The following DLG2 variants were observed in gnomAD, a reference collection of about 807,000 sequenced individuals.
DLG2 encodes disks large homolog 2.
A neutral mutation model predicts 132.5 loss-of-function variants in DLG2; 45 were observed. The observed-to-expected ratio is 0.34, with a 90% CI of 0.27 to 0.44. The LOEUF is 0.44. Ranked by LOEUF, DLG2 falls within the 20% of genes least tolerant of loss-of-function variation. DLG2 has a pLI of 1.00. For synonymous variants in DLG2, 424 were observed against 419.6 expected (o/e 1.01, Z -0.13); for missense variants, 1,045 against 1,196.9 (o/e 0.87, Z 1.87).
chr11:85,420,910 T>C (rs2090249339), intron 3 of DLG2, among the ~76,000 whole-genome samples: 2 of 152,246 alleles, frequency 1.3e-5, no homozygotes, highest in African/African-American at 4.8e-5. Context: ...ACCACTTGGC[T>C]TCCTGGCTTC....
At position 83,517,360 on chromosome 11, in the gene DLG2, T is replaced by G. The variant is rs140851643; in HGVS notation, c.2193+15348A>C. Reference sequence around the variant, plus strand: ...CGTCACGTAGTTCTCATGCTGTGGTTTTCAGCTCCGTCAGGTCCTTTATGG... The same window carrying G: ...CGTCACGTAGTTCTCATGCTGTGGTGTTCAGCTCCGTCAGGTCCTTTATGG... On this transcript the variant is annotated intron_variant, in intron 21 of 27. Coordinates refer to ENST00000376104, the MANE Select transcript of DLG2 (RefSeq NM_001142699.3). Among the ~76,000 whole-genome samples the G allele has an allele frequency of 9.9e-3, 1,515 of 152,340 alleles. 19 individuals carry two copies. The highest frequency in any genetic ancestry group is 0.034 in the African/African-American group (1,399 of 41,578).
intron 7 of DLG2, among the ~76,000 whole-genome samples, chr11:84,382,807 T>C (rs185880325): frequency 2.4e-4 from 36 of 151,888 alleles, no homozygotes; most frequent in Non-Finnish European, 4.1e-4. Flanking sequence ...ACTAATGCTA[T>C]ATAATTGATA....
intron 6 of DLG2, among the ~76,000 whole-genome samples, chr11:85,024,020 A>G (rs751484901): frequency 2.2e-4 from 33 of 152,136 alleles, no homozygotes; most frequent in Admixed American, 1.3e-4. Flanking sequence ...AGAATTTGTC[A>G]AATCGTGAGG....
intron 6 of DLG2, among the ~76,000 whole-genome samples, chr11:84,806,568 G>A (rs1235024314): frequency 6.6e-6 from 1 of 152,038 alleles, no homozygotes; most frequent in Non-Finnish European, 1.5e-5. Flanking sequence ...TGTCAACCAA[G>A]AATACTATAC....
intron 11 of DLG2, among the ~76,000 whole-genome samples, chr11:83,982,129 CAAT>C (rs1157117884): frequency 6.6e-6 from 1 of 152,028 alleles, no homozygotes; most frequent in Non-Finnish European, 1.5e-5. Context: ...CAATTGTAAA[CAAT>C]AAATAATACT....
chr11:84,430,312 G>T (rs868650668), intron 7 of DLG2, among the ~76,000 whole-genome samples: 1 of 151,840 alleles, frequency 6.6e-6, no homozygotes, highest in African/African-American at 2.4e-5. Context: ...GGTGGTGGGT[G>T]CCTGTAATCC....
intron 6 of DLG2, among the ~76,000 whole-genome samples, chr11:84,563,328 T>C (rs995208890): frequency 1.3e-5 from 2 of 152,216 alleles, no homozygotes; most frequent in East Asian, 1.9e-4. Context: ...CATAGTACTA[T>C]TGTGATTTAT....
At chr11:84,795,702 G>C (rs1001537616) in intron 6 of DLG2, among the ~76,000 whole-genome samples, 3 of 152,156 alleles carry the variant, frequency 2.0e-5, no homozygotes, top group Admixed American at 6.6e-5. Context: ...AAGAGAGAAG[G>C]AGAGAAGAGC....
chr11:85,519,786 ATC>A (rs1286438711), intron 3 of DLG2, among the ~76,000 whole-genome samples: 1 of 152,052 alleles, frequency 6.6e-6, no homozygotes, highest in Non-Finnish European at 1.5e-5. Flanking sequence ...AGGTAATTTA[ATC>A]ATGGGGTCAG....
At chr11:84,473,207 A>G (rs1202743791) in intron 7 of DLG2, among the ~76,000 whole-genome samples, 1 of 151,982 alleles carries the variant, frequency 6.6e-6, no homozygotes, top group East Asian at 1.9e-4. Flanking sequence ...ACACCATTCA[A>G]TGAAGGGGGG....
At chr11:84,896,038 G>A (rs534214093) in intron 6 of DLG2, among the ~76,000 whole-genome samples, 3 of 152,160 alleles carry the variant, frequency 2.0e-5, no homozygotes, top group East Asian at 3.9e-4. Context: ...TGATTAGTTA[G>A]GAGTGAGCAC....
At chr11:83,789,987 G>A (rs1566971421) in intron 17 of DLG2, 5 of 1,367,580 alleles carry the variant, frequency 3.7e-6, no homozygotes, top group East Asian at 5.2e-5. Context: ...TGCTTCTCCT[G>A]TAAATAATCC....
At chr11:84,077,002 G>T (rs2096838297) in intron 10 of DLG2, among the ~76,000 whole-genome samples, 1 of 152,180 alleles carries the variant, frequency 6.6e-6, no homozygotes. Context: ...ATCAATTCAT[G>T]TCTTTTTAAA....
At chr11:85,056,145 G>A (rs1333841706) in intron 6 of DLG2, among the ~76,000 whole-genome samples, 1 of 152,000 alleles carries the variant, frequency 6.6e-6, no homozygotes, top group Non-Finnish European at 1.5e-5. Flanking sequence ...CATTGATACA[G>A]ATATTAGAGT....
chr11:84,550,965 A>ACACTCAGGGGTCCAGGTAGGCAAC (rs2099400669), intron 6 of DLG2, among the ~76,000 whole-genome samples: 1 of 152,108 alleles, frequency 6.6e-6, no homozygotes, highest in Admixed American at 6.5e-5. Flanking sequence ...CTATGGGAAG[A>ACACTCAGGGGTCCAGGTAGGCAAC]CACTCAGGGG....
At chr11:85,026,538 A>T (rs1415531806) in intron 6 of DLG2, among the ~76,000 whole-genome samples, 1 of 152,144 alleles carries the variant, frequency 6.6e-6, no homozygotes, top group Non-Finnish European at 1.5e-5. Flanking sequence ...TTAATATTTA[A>T]AATAAGCATA....
At chr11:84,261,068 A>G (rs1234275327) in intron 7 of DLG2, among the ~76,000 whole-genome samples, 8 of 152,206 alleles carry the variant, frequency 5.3e-5, no homozygotes, top group Admixed American at 3.9e-4. Flanking sequence ...AAAGAGCTAT[A>G]ATCTTAGCAG....
At chr11:85,007,513 A>C (rs192470209) in intron 6 of DLG2, among the ~76,000 whole-genome samples, 1 of 151,670 alleles carries the variant, frequency 6.6e-6, no homozygotes, top group East Asian at 2.0e-4. Flanking sequence ...AAACACAAAA[A>C]AAATTAGCCG....
At chr11:83,845,832 T>G (rs1263657275) in intron 16 of DLG2, among the ~76,000 whole-genome samples, 1 of 149,290 alleles carries the variant, frequency 6.7e-6, no homozygotes, top group Non-Finnish European at 1.5e-5. Flanking sequence ...TGTAGTTTCT[T>G]GAGGTCTTGC....
Sources: gnomAD v4.1 joint callset for allele counts (sites outside exome capture counted in the v4.1 genomes callset) on GRCh38, gnomAD v4.1.1 for gene constraint, MANE v1.5 for transcripts, NCBI Gene and HGNC (gene_info 2026-07-23, HGNC 2026-07-21) for gene names.